The following STK32C variants were observed in gnomAD, a reference collection of about 807,000 sequenced individuals.
STK32C encodes serine/threonine kinase 32C.
A neutral mutation model predicts 56.5 loss-of-function variants in STK32C; 31 were observed. The observed-to-expected ratio is 0.55, with a 90% CI of 0.41 to 0.74. The LOEUF is 0.74. Among genes scored for constraint, STK32C ranks in the 30% least tolerant of loss-of-function variants. The probability of loss-of-function intolerance (pLI) is 0.00; values close to 1 mark genes in which losing one functional copy is unlikely to be tolerated. For missense variants in STK32C, 544 were observed against 676.9 expected, an observed-to-expected ratio of 0.80 and a Z score of 2.18; for synonymous variants, 309 against 289.4, an observed-to-expected ratio of 1.07 and a Z score of -0.69.
At chr10:132,234,825 G>A (rs1282382777) in intron 2 of STK32C, among the ~76,000 whole-genome samples, 1 of 152,248 alleles carries the variant, frequency 6.6e-6, no homozygotes, top group African/African-American at 2.4e-5. Context: ...CTTGCACATG[G>A]GCTAATTTGT....
chr10:132,223,516 C>T lies in STK32C; in HGVS notation c.994-530G>A, dbSNP rs545152036. Among the ~76,000 whole-genome samples, 21 of 152,350 alleles carry T rather than the reference C, an allele frequency of 1.4e-4. No individual in the cohort carries two copies. In the South Asian group the frequency reaches 3.9e-3, roughly 29 times the overall value. ...GAGGTTTCCCAGACCTGGGCTTGGGCGTGTGGGTCATCCCCAGTCCCCACG... is the reference window on the plus strand; with the variant it reads ...GAGGTTTCCCAGACCTGGGCTTGGGTGTGTGGGTCATCCCCAGTCCCCACG... On this transcript the variant is annotated intron_variant, in intron 8 of 11. Transcript: ENST00000298630.
At chr10:132,219,560 G>C (rs1403625288) in intron 10 of STK32C, among the ~76,000 whole-genome samples, 1 of 152,160 alleles carries the variant, frequency 6.6e-6, no homozygotes, top group African/African-American at 2.4e-5. Context: ...AACATCCAAT[G>C]GGGGCAATGC....
At chr10:132,330,324 A>G in intron 1 of STK32C, 1 of 655,550 alleles carries the variant, frequency 1.5e-6, no homozygotes, top group Non-Finnish European at 2.9e-6. Flanking sequence ...GAAAAGAGAT[A>G]CTGGAATGCT....
At chr10:132,322,308 C>T (rs1033586090), downstream of STK32C, among the ~76,000 whole-genome samples, 2 of 152,260 alleles carry the variant, frequency 1.3e-5, no homozygotes, top group Admixed American at 6.5e-5. Flanking sequence ...CTATCTTTAT[C>T]GGATTATAGT....
At position 132,211,580 on chromosome 10, in the gene STK32C, G is replaced by A. The variant is rs546176003; in HGVS notation, c.1252-2479C>T. Among the ~76,000 whole-genome samples, 130 of 152,344 alleles carry A rather than the reference G, an allele frequency of 8.5e-4. 1 individual carries two copies. The highest frequency in any genetic ancestry group is 3.1e-3 in the African/African-American group (127 of 41,572). On this transcript the variant is annotated intron_variant, in intron 10 of 11. Transcript: ENST00000298630. ...CACAGGGACTCCCTTCCCAAGGTGTGTGTAGCGCCGCCAGCAGTACCCCAT... is the reference window on the plus strand; with the variant it reads ...CACAGGGACTCCCTTCCCAAGGTGTATGTAGCGCCGCCAGCAGTACCCCAT...
At chr10:132,227,553 AGTGATGACG>A (rs2062933429) in intron 3 of STK32C, among the ~76,000 whole-genome samples, 1 of 151,618 alleles carries the variant, frequency 6.6e-6, no homozygotes. Flanking sequence ...TGTTGATTAT[AGTGATGACG>A]GTGATGAGAG....
chr10:132,331,894 A>ACC (rs56390424), upstream of STK32C: 275 of 887,284 alleles, frequency 3.1e-4, 2 homozygotes, highest in Non-Finnish European at 3.9e-4. Flanking sequence ...ACCCCCTGCC[A>ACC]CCCCCGCGCA....
At chr10:132,330,308 A>T (rs2066624126) in intron 1 of STK32C, 1 of 633,546 alleles carries the variant, frequency 1.6e-6, no homozygotes, top group Non-Finnish European at 2.9e-6. Flanking sequence ...TAAATGTTTT[A>T]TTTGTGAAAA....
chr10:132,229,682 C>T (rs2063024620), intron 2 of STK32C, among the ~76,000 whole-genome samples: 1 of 152,240 alleles, frequency 6.6e-6, no homozygotes, highest in African/African-American at 2.4e-5. Context: ...CAGTCACATC[C>T]TGGCTCCGGG....
intron 8 of STK32C, among the ~76,000 whole-genome samples, chr10:132,223,924 C>T (rs1012928450): frequency 8.5e-5 from 13 of 152,336 alleles, no homozygotes; most frequent in African/African-American, 2.9e-4. Flanking sequence ...ACACCCCTGC[C>T]CGTGTCCCTG....
chr10:132,253,326 C>G (rs2063972846), intron 1 of STK32C, among the ~76,000 whole-genome samples: 1 of 151,418 alleles, frequency 6.6e-6, no homozygotes, highest in Admixed American at 6.6e-5. Context: ...CTGGAGGGAG[C>G]AGAGGGAGCT....
At chr10:132,271,425 C>G (rs2064818582) in intron 1 of STK32C, among the ~76,000 whole-genome samples, 1 of 152,230 alleles carries the variant, frequency 6.6e-6, no homozygotes. Context: ...GCCCCCAGCT[C>G]CTTGTCCCAA....
chr10:132,312,695 A>G (rs1288343078), upstream of STK32C, among the ~76,000 whole-genome samples: 1 of 152,144 alleles, frequency 6.6e-6, no homozygotes, highest in Non-Finnish European at 1.5e-5. Context: ...TAAGCCCCCA[A>G]CCGATGGGAC....
At position 132,230,679 on chromosome 10, in the gene STK32C, C is replaced by CAGG. The variant is rs1273802384; in HGVS notation, c.319-2552_319-2551insCCT. ...CTCTTGCTGCTGGGGGGGAAGCTGG[C>CAGG]GGGGGGGGGGGGGCTGCAGAGCCCA... On this transcript the variant is annotated intron_variant, in intron 2 of 11. Coordinates refer to ENST00000298630, the MANE Select transcript of STK32C (RefSeq NM_173575.4). Among the ~76,000 whole-genome samples the CAGG allele has an allele frequency of 4.0e-5, 2 of 49,684 alleles. 1 individual carries two copies. The highest frequency in any genetic ancestry group is 1.7e-3 in the South Asian group (2 of 1,196). The allele number at this position is 49,684 out of a possible 152,430, so 32.6% of individuals were successfully genotyped here.
chr10:132,240,604 G>A (rs576303135), intron 2 of STK32C, among the ~76,000 whole-genome samples: 2 of 152,292 alleles, frequency 1.3e-5, no homozygotes, highest in South Asian at 4.1e-4. Flanking sequence ...GGTTCCTCGG[G>A]GTGGGTGGGG....
chr10:132,296,860 A>G (rs2065762875), intron 1 of STK32C, among the ~76,000 whole-genome samples: 1 of 152,204 alleles, frequency 6.6e-6, no homozygotes, highest in Non-Finnish European at 1.5e-5. Flanking sequence ...CAGGACTCGC[A>G]GGCCCGCGCC....
chr10:132,275,575 G>A (rs907457266), intron 1 of STK32C, among the ~76,000 whole-genome samples: 7 of 152,162 alleles, frequency 4.6e-5, no homozygotes, highest in Admixed American at 2.0e-4. Flanking sequence ...CCACTCCGCC[G>A]ACGTGTCACT....
intron 2 of STK32C, among the ~76,000 whole-genome samples, chr10:132,236,659 A>G (rs756897256): frequency 6.6e-6 from 1 of 152,188 alleles, no homozygotes; most frequent in Non-Finnish European, 1.5e-5. Flanking sequence ...CATGGTTTCC[A>G]GTACTATCCC....
At chr10:132,242,530 G>T (rs1204415962) in intron 2 of STK32C, among the ~76,000 whole-genome samples, 1 of 152,002 alleles carries the variant, frequency 6.6e-6, no homozygotes, top group Non-Finnish European at 1.5e-5. Flanking sequence ...CAGGAAGAGG[G>T]ACCCTCCCCC....
Sources: gnomAD v4.1 joint callset for allele counts (sites outside exome capture counted in the v4.1 genomes callset) on GRCh38, gnomAD v4.1.1 for gene constraint, MANE v1.5 for transcripts, NCBI Gene and HGNC (gene_info 2026-07-23, HGNC 2026-07-21) for gene names.